Variants in BRD4 observed in about 807,000 individuals in gnomAD.
BRD4 encodes the protein bromodomain-containing protein 4.
A neutral mutation model predicts 142.1 loss-of-function variants in BRD4; 16 were observed. The observed-to-expected ratio is 0.11, with a 90% CI of 0.08 to 0.17. BRD4 has a LOEUF of 0.17. BRD4 is among the 10% of genes least tolerant of loss of function. The pLI is 1.00. For missense variants in BRD4, 1,424 were observed against 1,810.9 expected (o/e 0.79, Z 3.88); for synonymous variants, 833 against 707.5 (o/e 1.18, Z -2.82).
chr19:15,243,465 C>T lies in BRD4; in HGVS notation c.2604G>A (p.Gln868=), dbSNP rs2145512389. The T allele has an allele frequency of 5.7e-6, 9 of 1,576,828 alleles. No homozygotes were observed. The change falls in exon 14 of 20, where the codon CAG becomes CAA. Residue 868 remains glutamine (Q), a synonymous_variant. Coordinates refer to ENST00000679869, the MANE Select transcript of BRD4 (RefSeq NM_001379291.1). ...CTCGGTTGCTGGGCCGTGATGGCTGCTGGGGTAGTGCGTTGTGCAAAGCTG... is the reference window on the plus strand; with the variant it reads ...CTCGGTTGCTGGGCCGTGATGGCTGTTGGGGTAGTGCGTTGTGCAAAGCTG... The part of the protein sequence containing the change: ...SPPALHNALP[Q]QPSRPSNRAA...
rs1433619440 is a variant in BRD4 at position 15,238,595 on chromosome 19, C to T, written c.4020+148G>A. The T allele has an allele frequency of 1.3e-6, 2 of 1,482,090 alleles. No homozygotes were observed. The highest frequency in any genetic ancestry group is 1.8e-6 in the Non-Finnish European group (2 of 1,112,262). 91.8% of individuals were successfully genotyped at this position (1,482,090 alleles called of 1,614,324 possible). ...ACCCCGTCCACACAGCACTCAGGGC[C>T]CTACAGCTGAGTCCAGAGGACCACA... On this transcript the variant is annotated intron_variant, in intron 19 of 19. Coordinates refer to ENST00000679869, the MANE Select transcript of BRD4 (RefSeq NM_001379291.1). This position sits in a 1 kb window ranked among gnomAD's most constrained non-coding sequence, Gnocchi z 7.2.
intron 1 of BRD4, among the ~76,000 whole-genome samples, chr19:15,296,029 G>A (rs1804417052): frequency 6.6e-6 from 1 of 152,016 alleles, no homozygotes; most frequent in Non-Finnish European, 1.5e-5. Flanking sequence ...TTCCGGCCAG[G>A]CACATCACAA....
In BRD4 at chr19:15,318,099, G is replaced by T. The variant is rs916208829; in HGVS notation, c.-35+14191C>A. On this transcript the variant is annotated intron_variant, in intron 1 of 19. Transcript: ENST00000679869. ...TTTCACAGAACTCTTTCACGCACAT[G>T]ATCTTATTTCTCTTAATTACAAAAT... is the stretch of plus-strand genomic sequence containing the variant. 3.3e-5 allele frequency among the ~76,000 whole-genome samples: 5 copies of T among 152,180 alleles called. 1 individual carries two copies.
chr19:15,318,897 C>G (rs1222089323), intron 1 of BRD4, among the ~76,000 whole-genome samples: 1 of 152,184 alleles, frequency 6.6e-6, no homozygotes, highest in Non-Finnish European at 1.5e-5. Context: ...GCACAGGGGC[C>G]CTGGGAAGGT....
rs2047250861 is a variant in BRD4 at position 15,242,998 on chromosome 19, G to A, written c.3071C>T (p.Pro1024Leu). ...PQGQQPPHPP[P>L]GQQPPPPQPA... ...CTGCGGCGGGGGTGGCTGCTGGCCTGGGGGCGGATGGGGGGGCTGCTGGCC... is the reference window on the plus strand; with the variant it reads ...CTGCGGCGGGGGTGGCTGCTGGCCTAGGGGCGGATGGGGGGGCTGCTGGCC... Residue 1024 changes from proline to leucine, a missense_variant, in exon 14 of 20, where the codon CCA (proline) becomes CTA (leucine). Coordinates refer to ENST00000679869, the MANE Select transcript of BRD4 (RefSeq NM_001379291.1). 1 of 1,552,780 alleles carries A rather than the reference G, an allele frequency of 6.4e-7. No individual in the cohort carries two copies. Among genetic ancestry groups the A allele is most frequent in the South Asian group, 1.2e-5 (1 of 84,726 alleles).
chr19:15,298,767 T>G (rs1021237703), intron 1 of BRD4, among the ~76,000 whole-genome samples: 4 of 150,060 alleles, frequency 2.7e-5, no homozygotes, highest in African/African-American at 9.8e-5. Flanking sequence ...TATAACAATC[T>G]ACTTCCCACA....
chr19:15,305,114 G>A (rs776166395), intron 1 of BRD4, among the ~76,000 whole-genome samples: 15 of 150,868 alleles, frequency 9.9e-5, no homozygotes. Context: ...CACCTCCTGG[G>A]TTCAAGCGAT....
At chr19:15,294,193 TTCTGTG>T (rs2047805605) in intron 1 of BRD4, among the ~76,000 whole-genome samples, 1 of 152,246 alleles carries the variant, frequency 6.6e-6, no homozygotes, top group South Asian at 2.1e-4. Flanking sequence ...AACTAAACAT[TTCTGTG>T]TTGAGCAAAA....
intron 1 of BRD4, among the ~76,000 whole-genome samples, chr19:15,328,620 A>G (rs2145018343): frequency 6.6e-6 from 1 of 152,320 alleles, no homozygotes; most frequent in Non-Finnish European, 1.5e-5. Context: ...GATTATTTGC[A>G]TTTGGCATTA....
At chr19:15,285,350 G>A (rs1228648639) in intron 1 of BRD4, among the ~76,000 whole-genome samples, 1 of 152,202 alleles carries the variant, frequency 6.6e-6, no homozygotes, top group Non-Finnish European at 1.5e-5. Flanking sequence ...TTCAGGCCCA[G>A]CCTGGGCAAC....
In BRD4 at chr19:15,308,602, A is replaced by G. The variant is rs182455932; in HGVS notation, c.-35+23688T>C. On this transcript the variant is annotated intron_variant, in intron 1 of 19. Transcript: ENST00000679869. Reference sequence around the variant, plus strand: ...AGTCTACCTAAAAAAAAAAAAAAGTAATAGTATAAGCTGTGACACTGGATG... The same window carrying G: ...AGTCTACCTAAAAAAAAAAAAAAGTGATAGTATAAGCTGTGACACTGGATG... 2.6e-5 allele frequency among the ~76,000 whole-genome samples: 4 copies of G among 151,918 alleles called. No homozygotes were observed. The East Asian group carries it at 7.8e-4, about 29-fold the overall frequency.
rs751056992 is a variant in BRD4, at chr19:15,256,100, T to C, written c.1715A>G (p.Lys572Arg). 2 of 1,611,806 alleles carry C rather than the reference T, an allele frequency of 1.2e-6. No individual in the cohort carries two copies. The highest frequency in any genetic ancestry group is 1.7e-6 in the Non-Finnish European group (2 of 1,179,822). ...KSKAKEPPPK[K>R]TKKNNSSNSN... is the part of the protein sequence containing the mutation. ...GTTGCTGCTATTATTTTTCTTCGTC[T>C]TTTTAGGAGGAGGTTCCTTGGCTTT... is the stretch of plus-strand genomic sequence containing the variant. The change falls in exon 9 of 20, where the codon AAG (lysine) becomes AGG (arginine). Residue 572 changes from lysine (K) to arginine (R), a missense_variant. Around this residue, in one of 16 missense-constraint regions of BRD4, gnomAD observed 86 missense variants for 78.9 expected, o/e 1.09. Transcript: ENST00000679869.
intron 1 of BRD4, among the ~76,000 whole-genome samples, chr19:15,274,725 G>A (rs2047627486): frequency 6.6e-6 from 1 of 152,230 alleles, no homozygotes; most frequent in South Asian, 2.1e-4. Flanking sequence ...GAACTTCTGG[G>A]CTGGGCCATG....
At chr19:15,278,724 A>G (rs2047676684) in intron 1 of BRD4, among the ~76,000 whole-genome samples, 1 of 152,128 alleles carries the variant, frequency 6.6e-6, no homozygotes, top group South Asian at 2.1e-4. Flanking sequence ...GGCATCACAG[A>G]AAAAACTGAG....
At chr19:15,263,588 A>C (rs1429944144) in intron 6 of BRD4, 40 bp from the exon 7 acceptor site, 1 of 1,608,248 alleles carries the variant, frequency 6.2e-7, no homozygotes, top group Non-Finnish European at 8.5e-7. Flanking sequence ...GTGTCTGCCC[A>C]TGTGACCATG....
In BRD4 at chr19:15,265,497, T is replaced by C. The variant is rs2047523525; in HGVS notation, c.706A>G (p.Thr236Ala). 1 of 1,610,856 alleles carries C rather than the reference T, an allele frequency of 6.2e-7. No individual in the cohort carries two copies. Among genetic ancestry groups the C allele is most frequent in the Non-Finnish European group, 8.5e-7 (1 of 1,178,924 alleles). ...PAVTPDLIVQ[T>A]PVMTVVPPQP... ...GGAGGCACCACTGTCATGACAGGGG[T>C]CTGGACGATGAGGTCCGGGGTGACG... The change falls in exon 5 of 20, where the codon ACC becomes GCC. Residue 236 changes from threonine (T) to alanine (A), a missense_variant. Physicochemically the swap from Thr to Ala is moderately conservative, Grantham distance 58 (BLOSUM62 0). Coordinates refer to ENST00000679869, the MANE Select transcript of BRD4 (RefSeq NM_001379291.1).
rs189961826 is a variant in BRD4, at chr19:15,312,179, A to G, written c.-35+20111T>C. ...ATGCCACACAAAGCAAGTGTTCAATAAACACCTACTACTAATAAAAGCAAG... is the reference window on the plus strand; with the variant it reads ...ATGCCACACAAAGCAAGTGTTCAATGAACACCTACTACTAATAAAAGCAAG... On this transcript the variant is annotated intron_variant, in intron 1 of 19. Coordinates refer to ENST00000679869, the MANE Select transcript of BRD4 (RefSeq NM_001379291.1). 3.3e-5 allele frequency among the ~76,000 whole-genome samples: 5 copies of G among 152,334 alleles called. No homozygotes were observed. The East Asian group carries it at 9.6e-4, about 29-fold the overall frequency.
chr19:15,324,438 G>A (rs2048090820), intron 1 of BRD4, among the ~76,000 whole-genome samples: 1 of 152,284 alleles, frequency 6.6e-6, no homozygotes, highest in South Asian at 2.1e-4. Flanking sequence ...TGGTTCTTCT[G>A]GTCAAAAGGC....
chr19:15,263,901 G>T (rs1283381306), intron 6 of BRD4, among the ~76,000 whole-genome samples: 1 of 152,230 alleles, frequency 6.6e-6, no homozygotes, highest in Admixed American at 6.5e-5. Context: ...ACTGTTCCCT[G>T]CTCTGCCTGC....
Sources: allele counts gnomAD v4.1 joint callset (sites outside exome capture counted in the v4.1 genomes callset), GRCh38; gene constraint gnomAD v4.1.1; regional missense constraint gnomAD v4.1.1; non-coding constraint Gnocchi (gnomAD v3.1); transcripts MANE v1.5; gene names NCBI Gene and HGNC (gene_info 2026-07-23, HGNC 2026-07-21).